CWC22: variants seen among roughly 807,000 people sequenced by gnomAD.
The protein encoded by CWC22 is pre-mRNA-splicing factor CWC22 homolog.
In CWC22, 53 loss-of-function variants were observed where a neutral mutation model predicts 117.2. That is an observed-to-expected ratio of 0.45 (90% CI 0.36 to 0.57). The LOEUF (loss-of-function observed/expected upper bound fraction) is 0.57, where lower values mean the gene tolerates loss of function less well. Ranked by LOEUF, CWC22 falls within the 20% of genes least tolerant of loss-of-function variation. The probability of loss-of-function intolerance (pLI) is 0.00; values close to 1 mark genes in which losing one functional copy is unlikely to be tolerated. For missense variants in CWC22, 980 were observed against 1,068.8 expected (o/e 0.92, Z 1.16); for synonymous variants, 360 against 355.6 (o/e 1.01, Z -0.14).
rs538817087 is a variant in CWC22 at position 179,945,224 on chromosome 2, G to A, written c.2632C>T (p.Arg878Ter). 1.7e-5 allele frequency: 28 copies of A among 1,613,562 alleles called. No individual in the cohort carries two copies. Among genetic ancestry groups the A allele is most frequent in the Non-Finnish European group, 1.9e-5 (23 of 1,179,784 alleles). The change falls in exon 20 of 20, where the codon CGA becomes TGA. Residue 878 changes from arginine (R) to a stop codon, truncating the protein, a stop_gained. Coordinates refer to ENST00000410053, the MANE Select transcript of CWC22 (RefSeq NM_020943.3). LOFTEE classifies it high-confidence loss of function. The part of the protein sequence containing the change: ...EDRYQNGAER[R>*]WEKSSRYSEQ... ...GAGTATCTGCTAGATTTTTCCCATC[G>A]TCTCTCGGCACCATTTTGATATCTA...
intron 1 of CWC22, among the ~76,000 whole-genome samples, chr2:180,002,405 G>A (rs1175588472): frequency 3.3e-5 from 5 of 152,134 alleles, no homozygotes; most frequent in African/African-American, 7.2e-5. Context: ...AGAAAAGCTG[G>A]GTGCAGTGGC....
intron 5 of CWC22, 107 bp from the exon 6 acceptor site, chr2:179,978,425 T>G: frequency 8.3e-7 from 1 of 1,205,976 alleles, no homozygotes; most frequent in East Asian, 3.0e-5. Context: ...ATTATTTTCA[T>G]GAAACGACCC....
At chr2:179,954,627 T>C (rs567745527) in intron 15 of CWC22, among the ~76,000 whole-genome samples, 1 of 152,180 alleles carries the variant, frequency 6.6e-6, no homozygotes, top group South Asian at 2.1e-4. Context: ...TAGATCATGC[T>C]TTAATTGTGC....
chr2:179,987,730 C>T (rs779698850), intron 3 of CWC22, among the ~76,000 whole-genome samples: 5 of 152,030 alleles, frequency 3.3e-5, no homozygotes, highest in South Asian at 2.1e-4. Flanking sequence ...ATTTTTTTTA[C>T]AGTCATTATT....
intron 1 of CWC22, among the ~76,000 whole-genome samples, chr2:179,994,510 A>T (rs1441402298): frequency 1.3e-5 from 2 of 152,238 alleles, no homozygotes; most frequent in African/African-American, 4.8e-5. Context: ...TGGCACACAC[A>T]TACAAATAGT....
intron 2 of CWC22, among the ~76,000 whole-genome samples, chr2:179,990,748 G>A (rs750817977): frequency 2.0e-5 from 3 of 152,184 alleles, no homozygotes; most frequent in African/African-American, 7.2e-5. Context: ...CATCTGTTGT[G>A]AGCAAGAGGA....
chr2:179,968,331 G>A (rs1301394475), intron 11 of CWC22, among the ~76,000 whole-genome samples: 2 of 151,968 alleles, frequency 1.3e-5, no homozygotes, highest in South Asian at 4.1e-4. Context: ...ATCTGAAAAG[G>A]CTGTTAAAAT....
In CWC22 at chr2:179,982,014, TTG is replaced by T; in HGVS notation, c.207-19_207-18del. The stretch of plus-strand genomic sequence containing the variant: ...TCCCTGTTTCTGTAATATAAATTTT[TTG>T]AAGAGCAGAAAAGACAATATAAAAC... On this transcript the variant is annotated intron_variant, in intron 4 of 19. Transcript: ENST00000410053. 7.1e-7 allele frequency: 1 copy of T among 1,411,924 alleles called. No homozygotes were observed. The highest frequency in any genetic ancestry group is 9.7e-7 in the Non-Finnish European group (1 of 1,026,446). 87.5% of individuals were successfully genotyped at this position (1,411,924 alleles called of 1,614,324 possible).
chr2:179,951,180 C>T (rs1686438252), intron 17 of CWC22, among the ~76,000 whole-genome samples: 1 of 151,834 alleles, frequency 6.6e-6, no homozygotes, highest in East Asian at 1.9e-4. Context: ...TTTACACACA[C>T]ACATATAGAA....
At chr2:179,999,974 CA>C (rs1687804163) in intron 1 of CWC22, among the ~76,000 whole-genome samples, 1 of 152,106 alleles carries the variant, frequency 6.6e-6, no homozygotes, top group African/African-American at 2.4e-5. Flanking sequence ...CAACAACAGC[CA>C]AGCCCCCAAG....
At chr2:179,966,866 T>A (rs532519097) in intron 11 of CWC22, among the ~76,000 whole-genome samples, 4 of 152,314 alleles carry the variant, frequency 2.6e-5, no homozygotes, top group Non-Finnish European at 4.4e-5. Context: ...TCTAATTTCT[T>A]TATATTTAAG....
intron 14 of CWC22, 57 bp downstream of exon 14, chr2:179,958,965 C>T (rs1575641220): frequency 9.3e-7 from 1 of 1,080,148 alleles, no homozygotes; most frequent in East Asian, 2.6e-5. Context: ...CATTAACAGC[C>T]TTAAACATTT....
intron 17 of CWC22, 116 bp from the exon 18 acceptor site, chr2:179,951,042 G>A: frequency 1.6e-6 from 1 of 642,394 alleles, no homozygotes. Flanking sequence ...ATACAACCAA[G>A]TAACTAGTTG....
intron 6 of CWC22, among the ~76,000 whole-genome samples, chr2:179,976,883 G>A (rs750943500): frequency 2.6e-5 from 4 of 152,146 alleles, no homozygotes; most frequent in South Asian, 2.1e-4. Flanking sequence ...AGCCAGGTGC[G>A]GTGGCTCACG....
intron 1 of CWC22, among the ~76,000 whole-genome samples, chr2:179,994,785 A>G (rs1280207703): frequency 6.6e-6 from 1 of 152,190 alleles, no homozygotes; most frequent in East Asian, 1.9e-4. Context: ...TTATTATTGC[A>G]GTTGTTTAGA....
At chr2:179,967,871 A>G (rs1366759194) in intron 11 of CWC22, among the ~76,000 whole-genome samples, 1 of 152,180 alleles carries the variant, frequency 6.6e-6, no homozygotes, top group African/African-American at 2.4e-5. Context: ...TAGTTGTTAG[A>G]TATTTGGCCA....
intron 1 of CWC22, among the ~76,000 whole-genome samples, chr2:180,004,699 C>G (rs1687929577): frequency 6.6e-6 from 1 of 151,172 alleles, no homozygotes; most frequent in Non-Finnish European, 1.5e-5. Context: ...TCGCCCCCCT[C>G]CCCCCCAGGA....
intron 8 of CWC22, 82 bp downstream of exon 8, chr2:179,973,111 A>C: frequency 1.3e-6 from 1 of 756,484 alleles, no homozygotes; most frequent in South Asian, 2.1e-5. Context: ...CAAAGCAAAA[A>C]TAGAGAGGTA....
At chr2:179,977,398 G>C (rs2105535622) in intron 6 of CWC22, among the ~76,000 whole-genome samples, 1 of 152,250 alleles carries the variant, frequency 6.6e-6, no homozygotes, top group Non-Finnish European at 1.5e-5. Flanking sequence ...AACCATAAAG[G>C]AAATCCTGTC....
Sources: allele counts gnomAD v4.1 joint callset (sites outside exome capture counted in the v4.1 genomes callset), GRCh38; gene constraint gnomAD v4.1.1; transcripts MANE v1.5; gene names NCBI Gene and HGNC (gene_info 2026-07-23, HGNC 2026-07-21).